BABAM2: variants seen among roughly 807,000 people sequenced by gnomAD.
BABAM2 encodes the protein BRISC and BRCA1-A complex member 2.
Under a neutral mutation model 54.7 loss-of-function variants are expected in BABAM2, and 31 were observed. The ratio of observed to expected loss-of-function variants is 0.57; its 90% confidence interval spans 0.43 to 0.77. BABAM2 has a LOEUF of 0.77. Among genes scored for constraint, BABAM2 ranks in the 30% least tolerant of loss-of-function variants. The pLI is 0.00. For missense variants in BABAM2, 364 were observed against 455.8 expected, an observed-to-expected ratio of 0.80 and a Z score of 1.83; for synonymous variants, 167 against 162.9, an observed-to-expected ratio of 1.03 and a Z score of -0.19.
At chr2:27,893,559 A>G (rs577422004) in intron 1 of BABAM2, among the ~76,000 whole-genome samples, 124 of 152,284 alleles carry the variant, frequency 8.1e-4, no homozygotes, top group African/African-American at 3.0e-3. Flanking sequence ...TCATTTATTT[A>G]TTAAAAAATG....
intron 10 of BABAM2, among the ~76,000 whole-genome samples, chr2:28,256,003 C>T (rs1043704041): frequency 6.6e-6 from 1 of 151,980 alleles, no homozygotes. Context: ...TTTTTTGTGC[C>T]AAAGATTCCT....
chr2:28,187,662 ATTTTTTTT>A (rs35839748), intron 7 of BABAM2, among the ~76,000 whole-genome samples: 9 of 99,122 alleles, frequency 9.1e-5, no homozygotes, highest in Non-Finnish European at 1.4e-4. Flanking sequence ...GAACTTTGGA[ATTTTTTTT>A]TTTTTTTTTT....
intron 11 of BABAM2, among the ~76,000 whole-genome samples, chr2:28,310,807 C>T (rs544547455): frequency 7.6e-4 from 116 of 152,142 alleles, no homozygotes; most frequent in African/African-American, 2.5e-3. Context: ...TCACTTGAAC[C>T]GGGGAGGCAG....
intron 10 of BABAM2, among the ~76,000 whole-genome samples, chr2:28,291,951 A>T (rs1450341086): frequency 6.6e-6 from 1 of 152,256 alleles, no homozygotes; most frequent in Non-Finnish European, 1.5e-5. Context: ...AAAAGTATAC[A>T]GATTGCTCTC....
At chr2:27,978,677 A>C (rs1671769077) in intron 3 of BABAM2, among the ~76,000 whole-genome samples, 1 of 151,872 alleles carries the variant, frequency 6.6e-6, no homozygotes, top group Non-Finnish European at 1.5e-5. Flanking sequence ...TTACATGTGC[A>C]GGTTTGTTAC....
rs1451611906 is a variant in BABAM2 at position 28,322,548 on chromosome 2, A to T, written c.1089-15902A>T. On this transcript the variant is annotated intron_variant, in intron 11 of 11. Coordinates refer to ENST00000379624, the MANE Select transcript of BABAM2 (RefSeq NM_199191.3). The surrounding 1 kb of genome is among the most constrained non-coding windows in gnomAD (Gnocchi z 4.1). ...TGCTGCTGGGCCAAGCCCTGCCTTG[A>T]ACAAGATCCTGAGGTCTCGCCCAAC... Among the ~76,000 whole-genome samples the T allele has an allele frequency of 1.3e-5, 2 of 152,244 alleles. No homozygotes were observed. The highest frequency in any genetic ancestry group is 2.9e-5 in the Non-Finnish European group (2 of 68,040).
chr2:28,018,105 A>G (rs1305607392), intron 4 of BABAM2, among the ~76,000 whole-genome samples: 1 of 152,182 alleles, frequency 6.6e-6, no homozygotes, highest in Non-Finnish European at 1.5e-5. Context: ...CGCAGTGTAC[A>G]CTGTGCCCAA....
At chr2:28,154,807 A>G (rs1672394869) in intron 7 of BABAM2, among the ~76,000 whole-genome samples, 1 of 152,224 alleles carries the variant, frequency 6.6e-6, no homozygotes, top group South Asian at 2.1e-4. Context: ...ATGGCTCAGA[A>G]AATGTGGCTA....
At chr2:28,122,522 T>C (rs1669167606) in intron 6 of BABAM2, among the ~76,000 whole-genome samples, 1 of 152,230 alleles carries the variant, frequency 6.6e-6, no homozygotes, top group South Asian at 2.1e-4. Context: ...ATAACTTTAT[T>C]GTAAGCCTTT....
intron 6 of BABAM2, among the ~76,000 whole-genome samples, chr2:28,097,426 T>C (rs1666723232): frequency 6.6e-6 from 1 of 152,230 alleles, no homozygotes; most frequent in Admixed American, 6.5e-5. Flanking sequence ...TTAGTAGTTA[T>C]ATAATGATAC....
chr2:28,088,929 G>A (rs1665915025), intron 6 of BABAM2, among the ~76,000 whole-genome samples: 1 of 152,134 alleles, frequency 6.6e-6, no homozygotes, highest in East Asian at 1.9e-4. Flanking sequence ...CAAATCATAA[G>A]CACTAAGAGG....
intron 3 of BABAM2, among the ~76,000 whole-genome samples, chr2:27,975,882 G>A (rs967206356): frequency 1.1e-4 from 16 of 151,852 alleles, no homozygotes; most frequent in Admixed American, 6.6e-5. Context: ...AAAAAATGGG[G>A]AACAGATCTG....
intron 4 of BABAM2, among the ~76,000 whole-genome samples, chr2:28,022,974 T>C (rs1675383098): frequency 6.6e-6 from 1 of 152,202 alleles, no homozygotes; most frequent in Non-Finnish European, 1.5e-5. Context: ...ACCTAACAAG[T>C]AAAAGTGGTC....
rs2148180618 is a variant in BABAM2 at position 28,276,629 on chromosome 2, T to C, written c.935-21709T>C. ...AACCCAAGTACTAAATTGTCCTCAATAGAAATCTCAGCCTCACCCTTTCTA... is the reference window on the plus strand; with the variant it reads ...AACCCAAGTACTAAATTGTCCTCAACAGAAATCTCAGCCTCACCCTTTCTA... On this transcript the variant is annotated intron_variant, in intron 10 of 11. Coordinates refer to ENST00000379624, the MANE Select transcript of BABAM2 (RefSeq NM_199191.3). Among the ~76,000 whole-genome samples the C allele has an allele frequency of 1.3e-5, 2 of 152,212 alleles. 1 individual carries two copies. Among genetic ancestry groups the C allele is most frequent in the Non-Finnish European group, 2.9e-5 (2 of 67,988 alleles).
At chr2:27,906,328 C>T (rs1278663540) in intron 2 of BABAM2, among the ~76,000 whole-genome samples, 1 of 152,184 alleles carries the variant, frequency 6.6e-6, no homozygotes, top group African/African-American at 2.4e-5. Context: ...CCTCTTACTC[C>T]TCATATCCCA....
chr2:28,219,746 A>G (rs1680227415), intron 7 of BABAM2, among the ~76,000 whole-genome samples: 1 of 152,158 alleles, frequency 6.6e-6, no homozygotes. Flanking sequence ...TAGGCTTGTA[A>G]TCAAGAGTGG....
chr2:28,295,192 A>C (rs1558507762), intron 10 of BABAM2, among the ~76,000 whole-genome samples: 1 of 152,234 alleles, frequency 6.6e-6, no homozygotes, highest in African/African-American at 2.4e-5. Context: ...CTCATTTTCT[A>C]CAAAACAAAA....
rs186272193 is a variant in BABAM2 at position 28,210,308 on chromosome 2, C to T, written c.681-26894C>T. 2.5e-3 allele frequency among the ~76,000 whole-genome samples: 375 copies of T among 152,250 alleles called. 2 individuals carry two copies. Among genetic ancestry groups the T allele is most frequent in the Non-Finnish European group, 2.1e-3 (140 of 68,022 alleles). On this transcript the variant is annotated intron_variant, in intron 7 of 11. Coordinates refer to ENST00000379624, the MANE Select transcript of BABAM2 (RefSeq NM_199191.3). Reference sequence around the variant, plus strand: ...ATAAATAGGAAAGACACGTTTGTGCCGTGAGCTGCTCACAATCTAGGGAGG... The same window carrying T: ...ATAAATAGGAAAGACACGTTTGTGCTGTGAGCTGCTCACAATCTAGGGAGG...
chr2:28,246,558 T>A (rs938799221), intron 10 of BABAM2, among the ~76,000 whole-genome samples: 1 of 152,168 alleles, frequency 6.6e-6, no homozygotes, highest in African/African-American at 2.4e-5. Context: ...TGAGTGGCTG[T>A]GGACAACTCC....
Sources: gnomAD v4.1 joint callset for allele counts (sites outside exome capture counted in the v4.1 genomes callset) on GRCh38, gnomAD v4.1.1 for gene constraint, Gnocchi (gnomAD v3.1) non-coding constraint, MANE v1.5 for transcripts, NCBI Gene and HGNC (gene_info 2026-07-23, HGNC 2026-07-21) for gene names.